Variants in ADCY2 observed in about 807,000 individuals in gnomAD.
The protein encoded by ADCY2 is adenylate cyclase 2.
Under a neutral mutation model 125.2 loss-of-function variants are expected in ADCY2, and 31 were observed. The ratio of observed to expected loss-of-function variants is 0.25; its 90% CI spans 0.19 to 0.33. ADCY2 has a LOEUF of 0.33. Ranked by LOEUF, ADCY2 falls within the 10% of genes least tolerant of loss-of-function variation. The pLI, the probability that ADCY2 is intolerant of heterozygous loss-of-function variation, is 1.00. For missense variants in ADCY2, 904 were observed against 1,418.2 expected, an observed-to-expected ratio of 0.64 and a Z score of 5.82; for synonymous variants, 512 against 548.4, an observed-to-expected ratio of 0.93 and a Z score of 0.93.
At chr5:7,526,656 C>A (rs1462216320) in intron 3 of ADCY2, among the ~76,000 whole-genome samples, 1 of 152,146 alleles carries the variant, frequency 6.6e-6, no homozygotes, top group Non-Finnish European at 1.5e-5. Context: ...AGAACTAACA[C>A]ATTTTGAACA....
chr5:7,740,198 A>C (rs1441342021), intron 14 of ADCY2, among the ~76,000 whole-genome samples: 1 of 152,030 alleles, frequency 6.6e-6, no homozygotes, highest in East Asian at 1.9e-4. Context: ...AGAATAAAGG[A>C]AATATCAATA....
At chr5:7,435,867 C>G (rs1740780589) in intron 2 of ADCY2, among the ~76,000 whole-genome samples, 1 of 152,170 alleles carries the variant, frequency 6.6e-6, no homozygotes, top group Non-Finnish European at 1.5e-5. Context: ...AGTTTTTTCC[C>G]ACCCAACAGT....
intron 4 of ADCY2, among the ~76,000 whole-genome samples, chr5:7,672,124 C>T (rs953113655): frequency 1.3e-5 from 2 of 152,132 alleles, no homozygotes; most frequent in Non-Finnish European, 2.9e-5. Flanking sequence ...GGATTTGATC[C>T]AGACTCTTGA....
intron 1 of ADCY2, among the ~76,000 whole-genome samples, chr5:7,397,455 T>TG (rs1739098746): frequency 3.8e-5 from 5 of 132,534 alleles, no homozygotes; most frequent in African/African-American, 1.6e-4. Context: ...GTTTTTTTTT[T>TG]TTTTTTTTTT....
chr5:7,475,715 G>C (rs988041991), intron 2 of ADCY2, among the ~76,000 whole-genome samples: 4 of 152,160 alleles, frequency 2.6e-5, no homozygotes, highest in Non-Finnish European at 5.9e-5. Flanking sequence ...AGCGTGACTT[G>C]TTGAGTGAGA....
chr5:7,554,274 AT>A (rs1299995561), intron 3 of ADCY2, among the ~76,000 whole-genome samples: 2 of 152,156 alleles, frequency 1.3e-5, no homozygotes, highest in African/African-American at 2.4e-5. Context: ...ATTTGTCTTG[AT>A]TTTTCAATAG....
At chr5:7,623,586 C>T (rs1433271234) in intron 3 of ADCY2, among the ~76,000 whole-genome samples, 1 of 152,206 alleles carries the variant, frequency 6.6e-6, no homozygotes, top group African/African-American at 2.4e-5. Context: ...GGGCTTTCCA[C>T]ATGCTCCAGG....
chr5:7,445,860 A>G (rs1467569808), intron 2 of ADCY2, among the ~76,000 whole-genome samples: 3 of 152,036 alleles, frequency 2.0e-5, no homozygotes, highest in African/African-American at 7.2e-5. Context: ...AAGAATCCTC[A>G]TATTGTTTTC....
rs139273049 is a variant in ADCY2 at position 7,777,776 on chromosome 5, G to A, written c.2384+4675G>A. 3.2e-3 allele frequency among the ~76,000 whole-genome samples: 486 copies of A among 152,242 alleles called. 5 individuals are homozygous for A. Among genetic ancestry groups the A allele is most frequent in the African/African-American group, 0.01 (436 of 41,536 alleles). On this transcript the variant is annotated intron_variant, in intron 18 of 24. Coordinates refer to ENST00000338316, the MANE Select transcript of ADCY2 (RefSeq NM_020546.3). ...GAGAAGTATGCACTAGAAAAACTTC[G>A]TATCGATGAATAGTTAAGAAAATGG...
intron 2 of ADCY2, among the ~76,000 whole-genome samples, chr5:7,433,785 G>A (rs1740695715): frequency 6.6e-6 from 1 of 152,134 alleles, no homozygotes; most frequent in African/African-American, 2.4e-5. Context: ...TTATGTGGCA[G>A]GGGTGAAATT....
chr5:7,678,327 T>C (rs1740204064), intron 4 of ADCY2, among the ~76,000 whole-genome samples: 1 of 152,154 alleles, frequency 6.6e-6, no homozygotes, highest in African/African-American at 2.4e-5. Flanking sequence ...GTGATTAACA[T>C]GAGCGCTTGG....
intron 4 of ADCY2, among the ~76,000 whole-genome samples, chr5:7,628,136 C>G (rs1738195696): frequency 6.6e-6 from 1 of 152,178 alleles, no homozygotes; most frequent in Admixed American, 6.5e-5. Flanking sequence ...GCCCTTAGCA[C>G]TCATGGGTGG....
At chr5:7,558,328 C>T (rs1579571763) in intron 3 of ADCY2, among the ~76,000 whole-genome samples, 2 of 152,294 alleles carry the variant, frequency 1.3e-5, no homozygotes, top group East Asian at 3.9e-4. Flanking sequence ...GCTGGGATTA[C>T]AGGCACTTTG....
chr5:7,715,155 C>T (rs1741558532), intron 11 of ADCY2, among the ~76,000 whole-genome samples: 5 of 152,188 alleles, frequency 3.3e-5, no homozygotes, highest in Admixed American at 1.3e-4. Context: ...ACTGCAGAGA[C>T]AAGAAAAGTG....
intron 12 of ADCY2, among the ~76,000 whole-genome samples, chr5:7,718,214 TCTTGGC>T (rs1741657156): frequency 6.9e-6 from 1 of 144,124 alleles, no homozygotes; most frequent in Admixed American, 7.3e-5. Flanking sequence ...AGTGGCACGA[TCTTGGC>T]TCACTGCAAG....
chr5:7,444,553 A>G (rs1402006341), intron 2 of ADCY2, among the ~76,000 whole-genome samples: 4 of 152,046 alleles, frequency 2.6e-5, no homozygotes, highest in African/African-American at 9.7e-5. Context: ...AATCATTCCA[A>G]TATTGATTGA....
At chr5:7,794,406 C>T (rs1219725260) in intron 20 of ADCY2, 1 of 152,238 alleles carries the variant, frequency 6.6e-6, no homozygotes, top group Non-Finnish European at 1.5e-5. Context: ...CCTGTACTCC[C>T]CCAGGGGAGG....
At chr5:7,570,080 T>G (rs551054071) in intron 3 of ADCY2, among the ~76,000 whole-genome samples, 1 of 152,212 alleles carries the variant, frequency 6.6e-6, no homozygotes, top group South Asian at 2.1e-4. Flanking sequence ...TCACTATAAG[T>G]GTAACCCTAT....
intron 4 of ADCY2, among the ~76,000 whole-genome samples, chr5:7,648,945 A>G (rs1738993854): frequency 6.6e-6 from 1 of 152,214 alleles, no homozygotes; most frequent in Admixed American, 6.5e-5. Context: ...CCTGTCTCAT[A>G]AATTTGAGAG....
Sources: allele counts gnomAD v4.1 joint callset (sites outside exome capture counted in the v4.1 genomes callset), GRCh38; gene constraint gnomAD v4.1.1; transcripts MANE v1.5; gene names NCBI Gene and HGNC (gene_info 2026-07-23, HGNC 2026-07-21).